ZNRF3: variants seen among roughly 807,000 people sequenced by gnomAD.
ZNRF3 encodes E3 ubiquitin-protein ligase ZNRF3.
Under a neutral mutation model 72.5 loss-of-function variants are expected in ZNRF3, and 23 were observed. The ratio of observed to expected loss-of-function variants is 0.32; its 90% CI spans 0.23 to 0.45. ZNRF3 has a LOEUF of 0.45. Among genes scored for constraint, ZNRF3 ranks in the 20% least tolerant of loss-of-function variants. The pLI is 1.00. For missense variants in ZNRF3, 1,169 were observed against 1,272.1 expected (o/e 0.92, Z 1.23); for synonymous variants, 610 against 545.3 (o/e 1.12, Z -1.65).
chr22:29,050,065 G>C lies in ZNRF3; in HGVS notation c.1884G>C (p.Pro628=). The C allele has an allele frequency of 3.1e-6, 5 of 1,607,180 alleles. No individual in the cohort carries two copies. Among genetic ancestry groups the C allele is most frequent in the Non-Finnish European group, 4.2e-6 (5 of 1,177,434 alleles). Residue 628 remains proline, a synonymous_variant, in exon 8 of 9, where the codon CCG becomes CCC. Transcript: ENST00000544604. ...CTGCCCTGTGCTTCGAGGGCTCCCC[G>C]CCTCCCGAGGAGCTCCCGGCGGTGC... The part of the protein sequence containing the change: ...RGPALCFEGS[P]PPEELPAVHS...
At chr22:28,898,376 T>C (rs1410559021) in intron 1 of ZNRF3, among the ~76,000 whole-genome samples, 1 of 152,200 alleles carries the variant, frequency 6.6e-6, no homozygotes, top group African/African-American at 2.4e-5. Context: ...AATTTCACCT[T>C]GCCTGTGCTT....
intron 2 of ZNRF3, among the ~76,000 whole-genome samples, chr22:29,020,273 T>TCC (rs1006715319): frequency 1.5e-5 from 2 of 133,362 alleles, no homozygotes; most frequent in African/African-American, 3.1e-5. Flanking sequence ...TTTTTTTTTT[T>TCC]CCCCCAAGAC....
chr22:28,903,721 G>GT, intron 1 of ZNRF3, among the ~76,000 whole-genome samples: 1 of 152,130 alleles, frequency 6.6e-6, no homozygotes, highest in African/African-American at 2.4e-5. Context: ...CTGAAGGTGT[G>GT]TTTTTTGTGT....
chr22:29,046,800 G>A lies in ZNRF3; in HGVS notation c.829G>A (p.Gly277Arg). Residue 277 changes from glycine (G) to arginine (R), a missense_variant, in exon 6 of 9, where the codon GGG (glycine) becomes AGG (arginine). Gly to Arg is a moderately radical substitution (Grantham distance 125). Coordinates refer to ENST00000544604, the MANE Select transcript of ZNRF3 (RefSeq NM_001206998.2). ...CTCCAAGAGCAAGGGGCGCCGGGAGGGGAGCTGTGGGGCCCTGGACACACT... is the reference window on the plus strand; with the variant it reads ...CTCCAAGAGCAAGGGGCGCCGGGAGAGGAGCTGTGGGGCCCTGGACACACT... ...FNSKSKGRRE[G>R]SCGALDTLSS... The A allele has an allele frequency of 6.2e-7, 1 of 1,612,152 alleles. No individual in the cohort carries two copies. The highest frequency in any genetic ancestry group is 1.3e-5 in the African/African-American group (1 of 75,028).
At chr22:28,900,298 C>T (rs567297654) in intron 1 of ZNRF3, among the ~76,000 whole-genome samples, 6 of 152,290 alleles carry the variant, frequency 3.9e-5, no homozygotes, top group African/African-American at 1.4e-4. Flanking sequence ...TGCCATCACC[C>T]ATAAGTGGGA....
At chr22:28,995,369 A>T (rs763454917) in intron 2 of ZNRF3, among the ~76,000 whole-genome samples, 1 of 152,180 alleles carries the variant, frequency 6.6e-6, no homozygotes, top group Non-Finnish European at 1.5e-5. Flanking sequence ...AGGAGCTTGC[A>T]GTGAGCCGAG....
At chr22:29,052,650 C>T (rs567593875) in intron 8 of ZNRF3, among the ~76,000 whole-genome samples, 1 of 151,508 alleles carries the variant, frequency 6.6e-6, no homozygotes, top group Non-Finnish European at 1.5e-5. Flanking sequence ...CTGAGATCGC[C>T]CCATCGTACT....
At chr22:29,005,658 C>G (rs553279026) in intron 2 of ZNRF3, among the ~76,000 whole-genome samples, 1 of 152,298 alleles carries the variant, frequency 6.6e-6, no homozygotes, top group Admixed American at 6.5e-5. Flanking sequence ...GCCCACCAGG[C>G]TTGAAATTTG....
intron 5 of ZNRF3, among the ~76,000 whole-genome samples, chr22:29,045,235 C>T (rs762910055): frequency 2.6e-5 from 4 of 151,866 alleles, no homozygotes; most frequent in East Asian, 1.9e-4. Flanking sequence ...GTGGCATGTA[C>T]GTGTAGTCCC....
chr22:29,050,613 C>T lies in ZNRF3; in HGVS notation c.2432C>T (p.Thr811Ile), dbSNP rs575046740. 105 of 1,610,234 alleles carry T rather than the reference C, an allele frequency of 6.5e-5. No homozygotes were observed. The East Asian group carries it at 2.0e-3, about 31-fold the overall frequency. ...TCGGTGAGTGTGCAGTACACGCTCA[C>T]CGAGGAACCACCGCCCGGCTGCTAC... The part of the protein sequence containing the change: ...DYSVSVQYTL[T>I]EEPPPGCYPG... Residue 811 changes from threonine (T) to isoleucine (I), a missense_variant, in exon 8 of 9, where the codon ACC becomes ATC. Around this residue, in one of 2 missense-constraint regions of ZNRF3, gnomAD observed 783 missense variants for 731.4 expected, o/e 1.07. Coordinates refer to ENST00000544604, the MANE Select transcript of ZNRF3 (RefSeq NM_001206998.2).
chr22:28,961,287 G>C (rs2035353998), intron 1 of ZNRF3, among the ~76,000 whole-genome samples: 1 of 152,198 alleles, frequency 6.6e-6, no homozygotes, highest in African/African-American at 2.4e-5. Context: ...AAGTTCCAAA[G>C]TGCATTTTGG....
chr22:29,037,212 G>A, intron 2 of ZNRF3, among the ~76,000 whole-genome samples: 1 of 152,202 alleles, frequency 6.6e-6, no homozygotes, highest in East Asian at 1.9e-4. Flanking sequence ...AGGGAATAGA[G>A]ATGGCGGTAG....
intron 2 of ZNRF3, among the ~76,000 whole-genome samples, chr22:29,002,110 T>C (rs910253654): frequency 6.6e-6 from 1 of 152,164 alleles, no homozygotes; most frequent in Non-Finnish European, 1.5e-5. Context: ...TATATATCCA[T>C]TGGCAAGAGG....
chr22:28,912,408 C>G (rs2034333944), intron 1 of ZNRF3, among the ~76,000 whole-genome samples: 1 of 152,088 alleles, frequency 6.6e-6, no homozygotes, highest in Non-Finnish European at 1.5e-5. Flanking sequence ...TTTTTTTAAG[C>G]TTGATCTTAT....
At position 28,883,802 on chromosome 22, in the gene ZNRF3, G is replaced by A; in HGVS notation, c.36G>A (p.Thr12=). 1.0e-6 allele frequency: 1 copy of A among 975,424 alleles called. No individual in the cohort carries two copies. Among genetic ancestry groups the A allele is most frequent in the Non-Finnish European group, 1.2e-6 (1 of 826,542 alleles). The allele number at this position is 975,424 out of a possible 1,614,324, so 60.4% of individuals were successfully genotyped here. A position where few individuals can be genotyped will look rare whatever the true frequency, so the allele number is the denominator to read the frequency against. ...GCTCGGGCGGGCGCCCAGGGGCCAC[G>A]GGCCGCCGCCGCCGCCGCCTGCGCC... ...RPRSGGRPGA[T]GRRRRRLRRR... Residue 12 remains threonine (T), a synonymous_variant, in exon 1 of 9, where the codon ACG becomes ACA. Transcript: ENST00000544604. This position sits in a 1 kb window ranked among gnomAD's most constrained non-coding sequence, Gnocchi z 5.5.
chr22:28,956,384 G>A (rs1185836071), intron 1 of ZNRF3, among the ~76,000 whole-genome samples: 2 of 124,498 alleles, frequency 1.6e-5, no homozygotes, highest in Non-Finnish European at 3.3e-5. Context: ...TTTTAAAGCT[G>A]CATCCTTTTG....
In ZNRF3 at chr22:29,050,436, C is replaced by A; in HGVS notation, c.2255C>A (p.Ser752Ter). 6.2e-7 allele frequency: 1 copy of A among 1,609,432 alleles called. No homozygotes were observed. Among genetic ancestry groups the A allele is most frequent in the South Asian group, 1.1e-5 (1 of 90,968 alleles). Residue 752 changes from serine (S) to a stop codon, truncating the protein, a stop_gained, in exon 8 of 9, where the codon TCA becomes TAA. Transcript: ENST00000544604. LOFTEE classifies it high-confidence loss of function. ...GGCCCGGCGGGTGGGGAGCCCCAGTCAGGAAGCTCCCAGGGCTTGTACGGC... is the reference window on the plus strand; with the variant it reads ...GGCCCGGCGGGTGGGGAGCCCCAGTAAGGAAGCTCCCAGGGCTTGTACGGC... The part of the protein sequence containing the change: ...GSGPAGGEPQ[S>*]GSSQGLYGLH...
intron 1 of ZNRF3, chr22:28,986,592 TC>T (rs1460594775): frequency 1.0e-6 from 1 of 985,062 alleles, no homozygotes; most frequent in Non-Finnish European, 1.2e-6. Flanking sequence ...ACTGGTGATT[TC>T]TGTGGTCTCT....
chr22:28,968,049 A>T (rs2035506848), intron 1 of ZNRF3, among the ~76,000 whole-genome samples: 1 of 152,056 alleles, frequency 6.6e-6, no homozygotes, highest in Admixed American at 6.5e-5. Context: ...CATCTTTCTG[A>T]ATAGGGTTGG....
Sources: allele counts gnomAD v4.1 joint callset (sites outside exome capture counted in the v4.1 genomes callset), GRCh38; gene constraint gnomAD v4.1.1; regional missense constraint gnomAD v4.1.1; non-coding constraint Gnocchi (gnomAD v3.1); transcripts MANE v1.5; gene names NCBI Gene and HGNC (gene_info 2026-07-23, HGNC 2026-07-21).